The following PUDP variants were observed in gnomAD, a reference collection of about 807,000 sequenced individuals.
PUDP encodes pseudouridine 5'-phosphatase.
Under a neutral mutation model 9.4 loss-of-function variants are expected in PUDP, and 8 were observed. That is an observed-to-expected ratio of 0.85 (90% CI 0.50 to 1.53). The LOEUF (loss-of-function observed/expected upper bound fraction) is 1.53. Ranked by LOEUF, PUDP falls within the 40% of genes most tolerant of loss-of-function variation. The pLI is 0.00. For missense variants in PUDP, 188 were observed against 189.7 expected, an observed-to-expected ratio of 0.99 and a Z score of 0.05; for synonymous variants, 99 against 80.7, an observed-to-expected ratio of 1.23 and a Z score of -1.22.
At chrX:6,804,653 T>C (rs1926020343) in intron 3 of PUDP, among the ~76,000 whole-genome samples, 1 of 111,329 alleles carries the variant, frequency 9.0e-6, no homozygotes, top group Non-Finnish European at 1.9e-5. Flanking sequence ...AGGTCTACGC[T>C]TCCTCCTGGA....
At chrX:7,121,458 T>C (rs1276784588) in intron 1 of PUDP, among the ~76,000 whole-genome samples, 1 of 111,673 alleles carries the variant, frequency 9.0e-6, no homozygotes, top group East Asian at 2.9e-4. Flanking sequence ...CGCCATTCCT[T>C]CCCTGGAGCT....
chrX:6,818,455 T>C (rs1926286741), intron 3 of PUDP, among the ~76,000 whole-genome samples: 3 of 112,484 alleles, frequency 2.7e-5, no homozygotes, highest in South Asian at 7.3e-4. Flanking sequence ...AAGATGCATA[T>C]TTATGACTGT....
At chrX:6,846,477 A>G (rs1926751438) in intron 3 of PUDP, among the ~76,000 whole-genome samples, 2 of 108,949 alleles carry the variant, frequency 1.8e-5, no homozygotes, top group African/African-American at 3.3e-5. Flanking sequence ...GTGGTAACTC[A>G]GGTAGACACA....
intron 3 of PUDP, among the ~76,000 whole-genome samples, chrX:6,916,411 G>GTTTTT (rs371625779): frequency 1.1e-5 from 1 of 95,027 alleles, no homozygotes; most frequent in Non-Finnish European, 2.1e-5. Context: ...TGCATCCCCA[G>GTTTTT]TTTTTTTTTT....
intron 3 of PUDP, among the ~76,000 whole-genome samples, chrX:6,951,254 T>TATCTATCTATCTATCTATCTATCTA: frequency 9.5e-6 from 1 of 104,811 alleles, no homozygotes; most frequent in Admixed American, 9.9e-5. Context: ...CATATCTATC[T>TATCTATCTATCTATCTATCTATCTA]ATCTATCTAT....
chrX:6,732,157 C>A, intron 3 of PUDP, among the ~76,000 whole-genome samples: 1 of 111,227 alleles, frequency 9.0e-6, no homozygotes, highest in Non-Finnish European at 1.9e-5. Flanking sequence ...GGAGGCTGTT[C>A]CAGGCATCTC....
At chrX:6,867,300 A>G (rs902519037) in intron 3 of PUDP, among the ~76,000 whole-genome samples, 1 of 111,960 alleles carries the variant, frequency 8.9e-6, no homozygotes, top group Non-Finnish European at 1.9e-5. Flanking sequence ...TTTTTATTAA[A>G]TGTCTTCTTT....
chrX:6,901,018 C>G (rs774570216), intron 3 of PUDP, among the ~76,000 whole-genome samples: 1 of 110,911 alleles, frequency 9.0e-6, no homozygotes, highest in Non-Finnish European at 1.9e-5. Flanking sequence ...CCTCGTGATC[C>G]GCCCGCCTCG....
intron 2 of PUDP, among the ~76,000 whole-genome samples, chrX:7,095,790 C>T (rs1020481476): frequency 1.8e-5 from 2 of 112,666 alleles, no homozygotes; most frequent in African/African-American, 6.5e-5. Context: ...CTTCTGCTGG[C>T]TTCCTTCTTG....
rs1423746303 is a variant in PUDP at position 7,015,013 on chromosome X, A to G, written c.205-36670T>C. Among the ~76,000 whole-genome samples, 7 of 112,000 alleles carry G rather than the reference A, an allele frequency of 6.3e-5. 1 individual carries two copies. The highest frequency in any genetic ancestry group is 2.3e-4 in the African/African-American group (7 of 30,725). ...TTGTTTCTGTTCTCTGGGATGACAC[A>G]GAATATATCGAATTCACTCCTACTC... On this transcript the variant is annotated intron_variant and NMD_transcript_variant, in intron 1 of 3. Coordinates refer to the PUDP transcript ENST00000655425.
At chrX:6,950,681 A>G (rs1386288070) in intron 3 of PUDP, among the ~76,000 whole-genome samples, 3 of 110,537 alleles carry the variant, frequency 2.7e-5, no homozygotes, top group Non-Finnish European at 5.7e-5. Flanking sequence ...TAGTGCTGGG[A>G]TTACAGGCGT....
intron 1 of PUDP, among the ~76,000 whole-genome samples, chrX:7,012,084 T>TA (rs1929485072): frequency 8.9e-6 from 1 of 112,354 alleles, no homozygotes; most frequent in Non-Finnish European, 1.9e-5. Flanking sequence ...ATAACACCGT[T>TA]AGAGTAAAAA....
At chrX:6,743,623 T>G (rs1298578228) in intron 3 of PUDP, among the ~76,000 whole-genome samples, 3 of 112,013 alleles carry the variant, frequency 2.7e-5, no homozygotes, top group African/African-American at 9.8e-5. Flanking sequence ...AATCAATAGG[T>G]CAGCATCGCA....
chrX:7,106,819 AACTG>A (rs1220901349), intron 1 of PUDP, among the ~76,000 whole-genome samples: 3 of 111,439 alleles, frequency 2.7e-5, no homozygotes, highest in African/African-American at 9.8e-5. Context: ...AGAACCAACT[AACTG>A]ACCTGCTAGG....
intron 1 of PUDP, chrX:7,116,991 T>C (rs1254982909): frequency 4.2e-5 from 49 of 1,165,494 alleles, no homozygotes; most frequent in Non-Finnish European, 5.6e-5. Context: ...GTAAGCCTCT[T>C]GAGGACTCCC....
At chrX:6,815,851 T>C (rs922189597) in intron 3 of PUDP, among the ~76,000 whole-genome samples, 2 of 109,685 alleles carry the variant, frequency 1.8e-5, no homozygotes, top group African/African-American at 6.6e-5. Flanking sequence ...CCATAACTTT[T>C]ACTCATTGTC....
intron 3 of PUDP, among the ~76,000 whole-genome samples, chrX:7,055,839 A>G (rs751791032): frequency 2.1e-4 from 24 of 112,438 alleles, no homozygotes; most frequent in African/African-American, 7.7e-4. Context: ...AATAAAATTA[A>G]GGAAGAAGTA....
chrX:6,773,832 C>T (rs1234508361), intron 3 of PUDP, among the ~76,000 whole-genome samples: 2 of 111,712 alleles, frequency 1.8e-5, no homozygotes, highest in Non-Finnish European at 3.8e-5. Context: ...GCCCCTTAAT[C>T]TGCAGGAAAT....
intron 3 of PUDP, among the ~76,000 whole-genome samples, chrX:6,896,437 T>G (rs1279223541): frequency 1.8e-5 from 2 of 112,013 alleles, no homozygotes; most frequent in Non-Finnish European, 3.8e-5. Context: ...CATTAGATTG[T>G]TTTACCTGTG....
Sources: allele counts gnomAD v4.1 joint callset (sites outside exome capture counted in the v4.1 genomes callset), GRCh38; gene constraint gnomAD v4.1.1; transcripts MANE v1.5; gene names NCBI Gene and HGNC (gene_info 2026-07-23, HGNC 2026-07-21).